Variants in SPATA16 observed in about 807,000 individuals in gnomAD.
The protein encoded by SPATA16 is spermatogenesis associated 16.
Under a neutral mutation model 63.3 loss-of-function variants are expected in SPATA16, and 36 were observed. That is an observed-to-expected ratio of 0.57 (90% CI 0.44 to 0.75). SPATA16 has a LOEUF of 0.75. Ranked by LOEUF, SPATA16 falls within the 30% of genes least tolerant of loss-of-function variation. The pLI, the probability that SPATA16 is intolerant of heterozygous loss-of-function variation, is 0.00. For synonymous variants in SPATA16, 203 were observed against 216.7 expected, an observed-to-expected ratio of 0.94 and a Z score of 0.56; for missense variants, 646 against 679.3, an observed-to-expected ratio of 0.95 and a Z score of 0.54.
chr3:172,914,420 A>G (rs999897421), intron 9 of SPATA16, among the ~76,000 whole-genome samples: 1 of 152,156 alleles, frequency 6.6e-6, no homozygotes, highest in Non-Finnish European at 1.5e-5. Context: ...TTCAAAGGTT[A>G]AAAAAAGTTC....
intron 4 of SPATA16, among the ~76,000 whole-genome samples, chr3:173,002,141 G>A (rs1734842059): frequency 6.6e-6 from 1 of 152,066 alleles, no homozygotes; most frequent in Non-Finnish European, 1.5e-5. Context: ...TTTTAAAATT[G>A]TTTCAGCTTT....
At chr3:172,892,091 G>T (rs975904822) in intron 10 of SPATA16, among the ~76,000 whole-genome samples, 3 of 152,076 alleles carry the variant, frequency 2.0e-5, no homozygotes, top group Non-Finnish European at 4.4e-5. Flanking sequence ...CCATATTTAA[G>T]TCATGCCTGG....
At chr3:173,089,779 C>T (rs537265634) in intron 2 of SPATA16, among the ~76,000 whole-genome samples, 2 of 152,046 alleles carry the variant, frequency 1.3e-5, no homozygotes, top group African/African-American at 2.4e-5. Flanking sequence ...CAGGAGGAAA[C>T]GGGAAGGTGC....
intron 10 of SPATA16, among the ~76,000 whole-genome samples, chr3:172,896,626 T>G (rs1732015290): frequency 6.6e-6 from 1 of 152,254 alleles, no homozygotes; most frequent in South Asian, 2.1e-4. Context: ...ATTGTCATTA[T>G]TGCTTATTTT....
At chr3:172,999,954 A>C (rs1734778424) in intron 4 of SPATA16, among the ~76,000 whole-genome samples, 2 of 152,082 alleles carry the variant, frequency 1.3e-5, no homozygotes, top group Non-Finnish European at 2.9e-5. Flanking sequence ...CTATATTCTT[A>C]CTGATTTTCT....
chr3:172,892,031 C>A (rs759092764), intron 10 of SPATA16, among the ~76,000 whole-genome samples: 15 of 152,148 alleles, frequency 9.9e-5, no homozygotes, highest in Non-Finnish European at 1.9e-4. Flanking sequence ...CCTCAGTAAT[C>A]CTACTCCCTG....
chr3:173,015,935 A>G (rs766338354), intron 4 of SPATA16, among the ~76,000 whole-genome samples: 1 of 152,032 alleles, frequency 6.6e-6, no homozygotes, highest in Non-Finnish European at 1.5e-5. Flanking sequence ...TTGAGTGATG[A>G]CATTCATTCT....
chr3:173,076,409 A>T (rs1056778956), intron 2 of SPATA16, among the ~76,000 whole-genome samples: 1 of 151,708 alleles, frequency 6.6e-6, no homozygotes, highest in Non-Finnish European at 1.5e-5. Context: ...TTTTTTTTTT[A>T]AATCAGCACA....
At position 173,049,052 on chromosome 3, in the gene SPATA16, G is replaced by T; in HGVS notation, c.655C>A (p.Pro219Thr). The change falls in exon 3 of 11, where the codon CCT becomes ACT. Residue 219 changes from proline to threonine, a missense_variant. Physicochemically the swap from Pro to Thr is conservative, Grantham distance 38. Transcript: ENST00000351008. ...GCCACGCTTGCTATATCTTCAGCAG[G>T]TGCATCAAATGGTTCTCCCAGAACT... ...GAVLGEPFDAPAEDIASVASF... is the reference protein window; with the variant it reads ...GAVLGEPFDATAEDIASVASF... 1.9e-6 allele frequency: 3 copies of T among 1,613,694 alleles called. No homozygotes were observed. In the Middle Eastern group the frequency reaches 5.0e-4, roughly 266 times the overall value.
chr3:173,017,753 A>G (rs1392035704), intron 4 of SPATA16, among the ~76,000 whole-genome samples: 3 of 152,204 alleles, frequency 2.0e-5, no homozygotes, highest in South Asian at 2.1e-4. Flanking sequence ...TGATCTTTCA[A>G]TTGGATTCAA....
chr3:172,892,236 G>T (rs557968963), intron 10 of SPATA16, among the ~76,000 whole-genome samples: 9 of 152,124 alleles, frequency 5.9e-5, no homozygotes, highest in Non-Finnish European at 1.2e-4. Flanking sequence ...GGAGTAGAAA[G>T]GGCACTGGAT....
intron 2 of SPATA16, among the ~76,000 whole-genome samples, chr3:173,083,947 G>C (rs1236588048): frequency 6.6e-6 from 1 of 151,750 alleles, no homozygotes; most frequent in African/African-American, 2.4e-5. Flanking sequence ...CTGCAATGAA[G>C]TATTCACAAT....
chr3:172,975,222 G>A (rs888533598), intron 5 of SPATA16, among the ~76,000 whole-genome samples: 1 of 152,112 alleles, frequency 6.6e-6, no homozygotes, highest in African/African-American at 2.4e-5. Context: ...GAGTTATCAT[G>A]CTTGTGAACC....
rs564530305 is a variant in SPATA16, at chr3:173,022,929, G to A, written c.759-3354C>T. ...ATTTTTGTCAGAAGAAAAGGAGTTA[G>A]TAATGGGCAATGATTGCCTACTCCA... is the stretch of plus-strand genomic sequence containing the variant. On this transcript the variant is annotated intron_variant, in intron 3 of 10. Transcript: ENST00000351008. Among the ~76,000 whole-genome samples the A allele has an allele frequency of 1.3e-3, 196 of 152,128 alleles. 1 individual carries two copies. Among genetic ancestry groups the A allele is most frequent in the African/African-American group, 4.5e-3 (189 of 41,540 alleles).
chr3:172,895,778 A>G (rs1474665955), intron 10 of SPATA16, among the ~76,000 whole-genome samples: 3 of 152,162 alleles, frequency 2.0e-5, no homozygotes, highest in Admixed American at 6.5e-5. Flanking sequence ...CTAATATTCC[A>G]TGGTATGAAT....
At chr3:173,110,060 A>T (rs1220196794) in intron 2 of SPATA16, among the ~76,000 whole-genome samples, 1 of 152,142 alleles carries the variant, frequency 6.6e-6, no homozygotes, top group African/African-American at 2.4e-5. Flanking sequence ...AGGGAAATTC[A>T]TTTCGTATTT....
intron 2 of SPATA16, among the ~76,000 whole-genome samples, chr3:173,095,739 A>G (rs1432252075): frequency 6.6e-6 from 1 of 152,168 alleles, no homozygotes; most frequent in Non-Finnish European, 1.5e-5. Flanking sequence ...GACAAATTAA[A>G]ATGTAGCACT....
intron 3 of SPATA16, among the ~76,000 whole-genome samples, chr3:173,020,251 C>T (rs1382814213): frequency 2.0e-5 from 3 of 151,438 alleles, no homozygotes; most frequent in Admixed American, 2.0e-4. Flanking sequence ...GAGATCGCGC[C>T]ACTGCACTCC....
At chr3:173,047,144 A>T (rs1235835502) in intron 3 of SPATA16, among the ~76,000 whole-genome samples, 5 of 151,824 alleles carry the variant, frequency 3.3e-5, no homozygotes, top group African/African-American at 1.2e-4. Flanking sequence ...CAGGAATTGC[A>T]GCATCTTGTG....
Sources: gnomAD v4.1 joint callset for allele counts (sites outside exome capture counted in the v4.1 genomes callset) on GRCh38, gnomAD v4.1.1 for gene constraint, MANE v1.5 for transcripts, NCBI Gene and HGNC (gene_info 2026-07-23, HGNC 2026-07-21) for gene names.